Variants in ALK observed in about 807,000 individuals in gnomAD.
ALK encodes ALK receptor tyrosine kinase, also known as ALK tyrosine kinase receptor.
Under a neutral mutation model 163.1 loss-of-function variants are expected in ALK, and 74 were observed. That is an observed-to-expected ratio of 0.45 (90% CI 0.38 to 0.55). The LOEUF is 0.55. ALK is among the 20% of genes least tolerant of loss of function. The pLI, the probability that ALK is intolerant of heterozygous loss-of-function variation, is 0.00. For missense variants in ALK, 2,063 were observed against 2,105.3 expected (o/e 0.98, Z 0.39); for synonymous variants, 960 against 843.2 (o/e 1.14, Z -2.40).
chr2:29,199,101 C>T (rs1011016173), intron 26 of ALK, among the ~76,000 whole-genome samples: 20 of 152,038 alleles, frequency 1.3e-4, no homozygotes, highest in African/African-American at 3.6e-4. Context: ...TTACAGGCGC[C>T]CACCACAACA....
chr2:29,706,659 G>A (rs550252417), intron 2 of ALK, among the ~76,000 whole-genome samples: 1 of 152,292 alleles, frequency 6.6e-6, no homozygotes, highest in African/African-American at 2.4e-5. Flanking sequence ...GTGCACATGT[G>A]CACACTGCAG....
chr2:29,687,197 G>C (rs549118844), intron 3 of ALK, among the ~76,000 whole-genome samples: 1 of 152,074 alleles, frequency 6.6e-6, no homozygotes, highest in East Asian at 1.9e-4. Context: ...TTACTTAGAT[G>C]CTGGGATTGG....
chr2:29,470,710 C>A, intron 4 of ALK, among the ~76,000 whole-genome samples: 1 of 150,626 alleles, frequency 6.6e-6, no homozygotes, highest in Non-Finnish European at 1.5e-5. Context: ...TGCCAGCAGA[C>A]CCTTACTAAA....
At chr2:29,339,121 T>C (rs1667713756) in intron 5 of ALK, among the ~76,000 whole-genome samples, 1 of 152,130 alleles carries the variant, frequency 6.6e-6, no homozygotes, top group African/African-American at 2.4e-5. Flanking sequence ...CATGTACCTG[T>C]AGTCCCAGCT....
intron 2 of ALK, among the ~76,000 whole-genome samples, chr2:29,698,094 T>C (rs1678625582): frequency 6.6e-6 from 1 of 152,188 alleles, no homozygotes; most frequent in Admixed American, 6.5e-5. Flanking sequence ...CTCCTTGCCC[T>C]TTCACGATTC....
intron 7 of ALK, among the ~76,000 whole-genome samples, chr2:29,319,669 G>A (rs771451828): frequency 6.6e-6 from 1 of 152,246 alleles, no homozygotes; most frequent in Non-Finnish European, 1.5e-5. Flanking sequence ...GAGGCAGTGG[G>A]AGCCCTGTCA....
At chr2:29,851,725 G>A (rs950400849) in intron 1 of ALK, among the ~76,000 whole-genome samples, 6 of 152,164 alleles carry the variant, frequency 3.9e-5, no homozygotes, top group Admixed American at 3.3e-4. Context: ...TTCCTCACCA[G>A]ACACACTTCC....
At chr2:29,536,228 G>A (rs1361568438) in intron 3 of ALK, among the ~76,000 whole-genome samples, 6 of 152,180 alleles carry the variant, frequency 3.9e-5, no homozygotes, top group African/African-American at 1.4e-4. Context: ...TGTTGGAGGT[G>A]AGGCCTGGTG....
In ALK at chr2:29,611,143, G is replaced by A. The variant is rs138825660; in HGVS notation, c.953-79027C>T. Among the ~76,000 whole-genome samples the A allele has an allele frequency of 2.0e-5, 3 of 152,262 alleles. No individual in the cohort carries two copies. The East Asian group carries it at 5.8e-4, about 29-fold the overall frequency. On this transcript the variant is annotated intron_variant, in intron 3 of 28. Transcript: ENST00000389048. The stretch of plus-strand genomic sequence containing the variant: ...CCCTGGGAATCAAATGTGATTTGGG[G>A]GTTCCATGCTGAAGTCACCAGGGAT...
In ALK at chr2:29,920,176, C is replaced by T. The variant is rs749455860; in HGVS notation, c.484G>A (p.Ala162Thr). The change falls in exon 1 of 29, where the codon GCT becomes ACT. Residue 162 changes from alanine (A) to threonine (T), a missense_variant. Physicochemically the swap from Ala to Thr is moderately conservative, Grantham distance 58 (BLOSUM62 0). Coordinates refer to ENST00000389048, the MANE Select transcript of ALK (RefSeq NM_004304.5). ...EGCVGPPGEA[A>T]VGLLQFNLSE... ...AGATTGAACTGGAGCAGCCCCACAG[C>T]CGCCTCCCCGGGGGGCCCGACGCAA... is the stretch of plus-strand genomic sequence containing the variant. 6.2e-7 allele frequency: 1 copy of T among 1,613,410 alleles called. No individual in the cohort carries two copies. The highest frequency in any genetic ancestry group is 1.7e-5 in the Admixed American group (1 of 60,034).
At chr2:29,746,556 G>T (rs1680212240) in intron 1 of ALK, among the ~76,000 whole-genome samples, 1 of 152,218 alleles carries the variant, frequency 6.6e-6, no homozygotes, top group South Asian at 2.1e-4. Flanking sequence ...TTCTACCCAG[G>T]CATAGGGTTT....
chr2:29,798,501 T>C lies in ALK; in HGVS notation c.668-80804A>G, dbSNP rs1016731865. Among the ~76,000 whole-genome samples, 18 of 152,372 alleles carry C rather than the reference T, an allele frequency of 1.2e-4. No individual in the cohort carries two copies. The East Asian group carries it at 3.5e-3, about 29-fold the overall frequency. On this transcript the variant is annotated intron_variant, in intron 1 of 28. Coordinates refer to ENST00000389048, the MANE Select transcript of ALK (RefSeq NM_004304.5). Reference sequence around the variant, plus strand: ...GAGATTTTGTGCTGGACAGAAAATATGTAGAATTTGGTCTTTTCATCACAA... The same window carrying C: ...GAGATTTTGTGCTGGACAGAAAATACGTAGAATTTGGTCTTTTCATCACAA...
rs529078760 is a variant in ALK, at chr2:29,699,280, T to TG, written c.788-4267dup. On this transcript the variant is annotated intron_variant, in intron 2 of 28. Coordinates refer to ENST00000389048, the MANE Select transcript of ALK (RefSeq NM_004304.5). ...CCTGGCGGTCTTCCACGCACTGTCC[T>TG]GGGTGTTTTCCTTCCATCACTGTAC... Among the ~76,000 whole-genome samples, 11 of 152,340 alleles carry TG rather than the reference T, an allele frequency of 7.2e-5. No individual in the cohort carries two copies. In the East Asian group the frequency reaches 1.9e-3, roughly 27 times the overall value.
chr2:29,643,053 G>A (rs1676749211), intron 3 of ALK, among the ~76,000 whole-genome samples: 1 of 151,926 alleles, frequency 6.6e-6, no homozygotes, highest in African/African-American at 2.4e-5. Flanking sequence ...AAGAAGTGAA[G>A]ATTTAAAAGA....
chr2:29,833,088 G>A (rs1665463262), intron 1 of ALK, among the ~76,000 whole-genome samples: 1 of 152,194 alleles, frequency 6.6e-6, no homozygotes, highest in Non-Finnish European at 1.5e-5. Context: ...ACAGAATACA[G>A]AGAGGGCTGT....
chr2:29,824,862 G>A (rs561389512), intron 1 of ALK, among the ~76,000 whole-genome samples: 1 of 152,158 alleles, frequency 6.6e-6, no homozygotes, highest in African/African-American at 2.4e-5. Flanking sequence ...ATGCATGATT[G>A]TTTTGAAATG....
chr2:29,621,936 A>T (rs552096882), intron 3 of ALK, among the ~76,000 whole-genome samples: 2 of 152,258 alleles, frequency 1.3e-5, no homozygotes, highest in East Asian at 3.9e-4. Context: ...GAAGAAGCAG[A>T]AAAACAAAAA....
At chr2:29,781,127 T>C (rs1404464629) in intron 1 of ALK, among the ~76,000 whole-genome samples, 1 of 152,166 alleles carries the variant, frequency 6.6e-6, no homozygotes, top group Non-Finnish European at 1.5e-5. Context: ...CAAGGGGTAG[T>C]GAGAGAGAAA....
At chr2:29,748,978 C>G (rs1281562297) in intron 1 of ALK, among the ~76,000 whole-genome samples, 2 of 152,148 alleles carry the variant, frequency 1.3e-5, no homozygotes, top group Non-Finnish European at 2.9e-5. Flanking sequence ...CCCCTGACCT[C>G]AAGTGATCCA....
Sources: gnomAD v4.1 joint callset for allele counts (sites outside exome capture counted in the v4.1 genomes callset) on GRCh38, gnomAD v4.1.1 for gene constraint, MANE v1.5 for transcripts, NCBI Gene and HGNC (gene_info 2026-07-23, HGNC 2026-07-21) for gene names.